Variants in SNAP91 observed in about 807,000 individuals in gnomAD.
The protein encoded by SNAP91 is synaptosome associated protein 91.
A neutral mutation model predicts 100.3 loss-of-function variants in SNAP91; 27 were observed. The ratio of observed to expected loss-of-function variants is 0.27; its 90% CI spans 0.20 to 0.37. The LOEUF is 0.37. Among genes scored for constraint, SNAP91 ranks in the 10% least tolerant of loss-of-function variants. SNAP91 has a pLI of 1.00. For missense variants in SNAP91, 986 were observed against 1,123.7 expected, an observed-to-expected ratio of 0.88 and a Z score of 1.75; for synonymous variants, 404 against 398.6, an observed-to-expected ratio of 1.01 and a Z score of -0.16.
chr6:83,695,784 G>C (rs2099200111), intron 2 of SNAP91, among the ~76,000 whole-genome samples: 1 of 152,048 alleles, frequency 6.6e-6, no homozygotes, highest in African/African-American at 2.4e-5. Flanking sequence ...ATCTACAATA[G>C]GGGCCAAAGT....
At chr6:83,608,507 T>C (rs898761954) in intron 12 of SNAP91, among the ~76,000 whole-genome samples, 4 of 152,170 alleles carry the variant, frequency 2.6e-5, no homozygotes, top group Non-Finnish European at 4.4e-5. Flanking sequence ...TCTCCATTCA[T>C]TCACAAGAGA....
chr6:83,583,767 C>T (rs966679843), intron 22 of SNAP91, among the ~76,000 whole-genome samples: 7 of 152,120 alleles, frequency 4.6e-5, no homozygotes, highest in Admixed American at 3.9e-4. Context: ...TCCATAGAAT[C>T]GATTTATAAT....
chr6:83,599,563 G>A (rs2094918598), intron 16 of SNAP91, among the ~76,000 whole-genome samples: 1 of 152,158 alleles, frequency 6.6e-6, no homozygotes, highest in African/African-American at 2.4e-5. Context: ...TCTAGACCAA[G>A]TTTCCAATTG....
At chr6:83,574,560 A>C (rs1434193298) in intron 26 of SNAP91, among the ~76,000 whole-genome samples, 1 of 152,188 alleles carries the variant, frequency 6.6e-6, no homozygotes, top group Non-Finnish European at 1.5e-5. Context: ...TTACTTACTA[A>C]GACAATCAGA....
chr6:83,612,256 T>C (rs2096169314), intron 11 of SNAP91, among the ~76,000 whole-genome samples: 1 of 152,138 alleles, frequency 6.6e-6, no homozygotes, highest in Non-Finnish European at 1.5e-5. Flanking sequence ...ACTGTCCGTG[T>C]CAAAGGGTCT....
intron 2 of SNAP91, among the ~76,000 whole-genome samples, chr6:83,693,175 G>A (rs2099153411): frequency 6.6e-6 from 1 of 152,176 alleles, no homozygotes; most frequent in African/African-American, 2.4e-5. Context: ...GACCGCTGAA[G>A]AAATCCTGAC....
intron 22 of SNAP91, among the ~76,000 whole-genome samples, chr6:83,586,053 T>C (rs996629937): frequency 2.0e-5 from 3 of 152,126 alleles, no homozygotes; most frequent in Non-Finnish European, 4.4e-5. Context: ...TTTCACCATG[T>C]TGGCCAGGAT....
chr6:83,662,523 G>A, intron 3 of SNAP91, 101 bp from the exon 4 acceptor site: 2 of 433,698 alleles, frequency 4.6e-6, no homozygotes, highest in South Asian at 1.2e-4. Context: ...TTCTCATTGG[G>A]ATCTCTTTTA....
chr6:83,590,431 T>C (rs1367196430), intron 22 of SNAP91, among the ~76,000 whole-genome samples: 3 of 152,122 alleles, frequency 2.0e-5, no homozygotes, highest in African/African-American at 7.2e-5. Context: ...TTATTCTATA[T>C]ATACTACTTG....
chr6:83,649,253 C>G (rs1440462243), intron 7 of SNAP91, among the ~76,000 whole-genome samples: 1 of 152,192 alleles, frequency 6.6e-6, no homozygotes, highest in Admixed American at 6.5e-5. Flanking sequence ...TATAGTCAAA[C>G]TGCTGGCCAT....
intron 26 of SNAP91, among the ~76,000 whole-genome samples, chr6:83,568,810 C>A (rs1173990291): frequency 2.0e-5 from 3 of 152,144 alleles, no homozygotes; most frequent in African/African-American, 7.2e-5. Context: ...CCTTCATCTC[C>A]TTCTCAATAG....
intron 6 of SNAP91, among the ~76,000 whole-genome samples, chr6:83,658,016 C>T (rs73486947): frequency 0.029 from 4,295 of 147,612 alleles, 75 homozygotes; most frequent in East Asian, 0.059. Flanking sequence ...CTGACCTTGT[C>T]AAGTGATCTG....
intron 8 of SNAP91, among the ~76,000 whole-genome samples, chr6:83,640,097 G>C (rs1471873790): frequency 6.6e-6 from 1 of 151,996 alleles, no homozygotes; most frequent in African/African-American, 2.4e-5. Flanking sequence ...ATTTAAAAAA[G>C]ATTTTTATTC....
At chr6:83,560,005 G>T in intron 28 of SNAP91, 99 bp downstream of exon 28, 1 of 971,858 alleles carries the variant, frequency 1.0e-6, no homozygotes, top group South Asian at 1.4e-5. Context: ...CAGGTATGAG[G>T]ATTACATTAG....
Position 83,560,793 on chromosome 6 carries a change from C to G in SNAP91, c.2526+71G>C, listed in dbSNP as rs1299522796. 6 of 1,269,796 alleles carry G rather than the reference C, an allele frequency of 4.7e-6. No homozygotes were observed. The East Asian group carries it at 1.4e-4, about 30-fold the overall frequency. The allele number at this position is 1,269,796 out of a possible 1,614,324, so 78.7% of individuals were successfully genotyped here. A position where few individuals can be genotyped will look rare whatever the true frequency, so the allele number is the denominator to read the frequency against. On this transcript the variant is annotated intron_variant, in intron 27 of 29. Coordinates refer to ENST00000369694, the MANE Select transcript of SNAP91 (RefSeq NM_001242792.2). ...GGAAAAATTATATTCTGTAGGAATA[C>G]TTAGTAATTTGGGATTTGGCAAATT...
At chr6:83,602,852 G>A (rs2095355542) in intron 14 of SNAP91, among the ~76,000 whole-genome samples, 1 of 152,060 alleles carries the variant, frequency 6.6e-6, no homozygotes, top group Non-Finnish European at 1.5e-5. Context: ...CCTGGGGCAA[G>A]GAGAAGGACA....
At chr6:83,583,726 AAT>A (rs1364769373) in intron 22 of SNAP91, among the ~76,000 whole-genome samples, 3 of 152,158 alleles carry the variant, frequency 2.0e-5, no homozygotes, top group Non-Finnish European at 4.4e-5. Flanking sequence ...TTGCAAAAAC[AAT>A]GTTTCAAAAA....
intron 7 of SNAP91, among the ~76,000 whole-genome samples, chr6:83,653,671 T>TTTTTCTTGATAGC (rs763248318): frequency 4.7e-4 from 72 of 152,134 alleles, no homozygotes; most frequent in South Asian, 1.0e-3. Flanking sequence ...GACTTGTAAT[T>TTTTTCTTGATAGC]TTTTCTTGAT....
At chr6:83,632,620 T>G (rs2097255853) in intron 8 of SNAP91, among the ~76,000 whole-genome samples, 1 of 152,238 alleles carries the variant, frequency 6.6e-6, no homozygotes, top group Non-Finnish European at 1.5e-5. Flanking sequence ...TTGGGTTAAT[T>G]TGAAGACCTT....
Sources: allele counts gnomAD v4.1 joint callset (sites outside exome capture counted in the v4.1 genomes callset), GRCh38; gene constraint gnomAD v4.1.1; transcripts MANE v1.5; gene names NCBI Gene and HGNC (gene_info 2026-07-23, HGNC 2026-07-21).